Variants in WAC observed in about 807,000 individuals in gnomAD.
WAC encodes WW domain-containing adapter protein with coiled-coil.
Under a neutral mutation model 79.6 loss-of-function variants are expected in WAC, and 11 were observed. The observed-to-expected ratio is 0.14, with a 90% CI of 0.09 to 0.23. The LOEUF (loss-of-function observed/expected upper bound fraction) is 0.23, where lower values mean the gene tolerates loss of function less well. Among genes scored for constraint, WAC ranks in the 10% least tolerant of loss-of-function variants. The pLI is 1.00. For missense variants in WAC, 728 were observed against 773.5 expected (o/e 0.94, Z 0.70); for synonymous variants, 304 against 276.9 (o/e 1.10, Z -0.97).
chr10:28,557,033 T>A (rs1019769813), intron 3 of WAC, among the ~76,000 whole-genome samples: 10 of 152,112 alleles, frequency 6.6e-5, no homozygotes, highest in African/African-American at 2.4e-4. Flanking sequence ...TAGCTATTTG[T>A]GGTCTTTTTA....
intron 1 of WAC, 96 bp downstream of exon 1, chr10:28,533,716 G>A: frequency 7.2e-7 from 1 of 1,386,196 alleles, no homozygotes; most frequent in Non-Finnish European, 9.8e-7. Context: ...CGCCATTTTT[G>A]TTGTTAACCC....
intron 7 of WAC, among the ~76,000 whole-genome samples, chr10:28,602,406 AT>A (rs1358232835): frequency 6.6e-6 from 1 of 152,226 alleles, no homozygotes; most frequent in Non-Finnish European, 1.5e-5. Flanking sequence ...AAAGTCACAG[AT>A]TTAGGTGTTG....
rs1841196456 is a variant in WAC at position 28,610,715 on chromosome 10, G to A, written c.1182G>A (p.Val394=). 6.2e-7 allele frequency: 1 copy of A among 1,608,610 alleles called. No individual in the cohort carries two copies. Among genetic ancestry groups the A allele is most frequent in the African/African-American group, 1.3e-5 (1 of 74,498 alleles). ...SKINEVLTAA[V]TQASLQSIIH... is the part of the protein sequence containing the mutation. The stretch of plus-strand genomic sequence containing the variant: ...TGTTTTTAGTTCTTACAGCAGCTGT[G>A]ACACAAGCCTCACTGCAGTCTATAA... Residue 394 remains valine, a synonymous_variant, in exon 9 of 14, where the codon GTG becomes GTA. Coordinates refer to ENST00000354911, the MANE Select transcript of WAC (RefSeq NM_016628.5).
intron 7 of WAC, among the ~76,000 whole-genome samples, chr10:28,601,165 A>G (rs747997670): frequency 2.6e-5 from 4 of 152,136 alleles, no homozygotes; most frequent in Non-Finnish European, 5.9e-5. Flanking sequence ...ATATTTGTAA[A>G]TCACGTATGT....
chr10:28,562,619 A>G (rs928684177), intron 3 of WAC, among the ~76,000 whole-genome samples: 7 of 152,164 alleles, frequency 4.6e-5, no homozygotes, highest in African/African-American at 1.7e-4. Flanking sequence ...ACATATTTTT[A>G]TGAGATAAGA....
intron 1 of WAC, 79 bp downstream of exon 1, chr10:28,533,699 G>C: frequency 1.4e-6 from 2 of 1,472,322 alleles, no homozygotes; most frequent in Non-Finnish European, 1.8e-6. Flanking sequence ...TCTGGAGCTG[G>C]CCGGGCCGCC....
chr10:28,547,946 G>A (rs1464234020), intron 3 of WAC, among the ~76,000 whole-genome samples: 1 of 134,306 alleles, frequency 7.4e-6, no homozygotes, highest in Non-Finnish European at 1.6e-5. Context: ...TTGAGAGAGA[G>A]TTTCGCTCTT....
intron 3 of WAC, among the ~76,000 whole-genome samples, chr10:28,564,561 A>G (rs1838492022): frequency 6.6e-6 from 1 of 152,164 alleles, no homozygotes; most frequent in Admixed American, 6.5e-5. Context: ...GGAGAACAAT[A>G]CCACACTACT....
intron 3 of WAC, among the ~76,000 whole-genome samples, chr10:28,540,775 A>T (rs1836966490): frequency 6.6e-6 from 1 of 152,136 alleles, no homozygotes; most frequent in Admixed American, 6.5e-5. Flanking sequence ...TTTGCATTGG[A>T]TTTCCATTGG....
chr10:28,556,277 A>G (rs1427153775), intron 3 of WAC, among the ~76,000 whole-genome samples: 2 of 151,496 alleles, frequency 1.3e-5, no homozygotes, highest in Non-Finnish European at 2.9e-5. Context: ...CTAATAGATC[A>G]TTGCAGTTTG....
intron 6 of WAC, among the ~76,000 whole-genome samples, chr10:28,592,672 TA>T: frequency 6.6e-6 from 1 of 152,128 alleles, no homozygotes; most frequent in African/African-American, 2.4e-5. Flanking sequence ...AGTATAAAAA[TA>T]ACTTTTTAAC....
chr10:28,548,966 C>T (rs1323819867), intron 3 of WAC, among the ~76,000 whole-genome samples: 2 of 152,140 alleles, frequency 1.3e-5, no homozygotes, highest in African/African-American at 4.8e-5. Context: ...ATGGTCATGG[C>T]TCACTGCAGC....
intron 3 of WAC, among the ~76,000 whole-genome samples, chr10:28,536,964 TA>T (rs571898846): frequency 6.6e-6 from 1 of 151,990 alleles, no homozygotes; most frequent in African/African-American, 2.4e-5. Context: ...TGGCTTACTT[TA>T]AAAAAAATAC....
intron 4 of WAC, 44 bp from the exon 5 acceptor site, chr10:28,589,692 A>T: frequency 7.8e-7 from 1 of 1,286,402 alleles, no homozygotes; most frequent in Non-Finnish European, 1.1e-6. Context: ...TCATGTGATT[A>T]AATAGTATTA....
chr10:28,553,674 G>T (rs968198258), intron 3 of WAC, among the ~76,000 whole-genome samples: 50 of 152,084 alleles, frequency 3.3e-4, no homozygotes, highest in African/African-American at 1.1e-3. Flanking sequence ...TAAGTAGAGT[G>T]TAAATATTAA....
chr10:28,551,721 A>G, intron 3 of WAC, among the ~76,000 whole-genome samples: 1 of 150,624 alleles, frequency 6.6e-6, no homozygotes, highest in East Asian at 2.0e-4. Context: ...TTTTTCAGAA[A>G]CAGTTAATGT....
chr10:28,598,782 G>A (rs1279731020), intron 7 of WAC, among the ~76,000 whole-genome samples: 1 of 152,186 alleles, frequency 6.6e-6, no homozygotes, highest in Non-Finnish European at 1.5e-5. Flanking sequence ...TAAAATTTCT[G>A]ACAGAGTAGA....
chr10:28,585,491 T>A (rs1839771876), intron 4 of WAC, among the ~76,000 whole-genome samples: 1 of 152,188 alleles, frequency 6.6e-6, no homozygotes, highest in East Asian at 1.9e-4. Flanking sequence ...TCGCTAAGCC[T>A]TCACGCGTGC....
Position 28,583,522 on chromosome 10 carries a change from T to G in WAC, c.381+17T>G, listed in dbSNP as rs755404311. The G allele has an allele frequency of 6.9e-7, 1 of 1,443,324 alleles. No homozygotes were observed. Among genetic ancestry groups the G allele is most frequent in the Admixed American group, 2.7e-5 (1 of 37,722 alleles). 89.4% of individuals were successfully genotyped at this position (1,443,324 alleles called of 1,614,324 possible). On this transcript the variant is annotated intron_variant, in intron 4 of 13. Transcript: ENST00000354911. ...TCAGATGCAGTAAGTATTATAAACA[T>G]GTCCAATATGGTTTCTTTGGAATTT...
Sources: allele counts gnomAD v4.1 joint callset (sites outside exome capture counted in the v4.1 genomes callset), GRCh38; gene constraint gnomAD v4.1.1; transcripts MANE v1.5; gene names NCBI Gene and HGNC (gene_info 2026-07-23, HGNC 2026-07-21).